Variants in YY1 observed in about 807,000 individuals in gnomAD.
The protein encoded by YY1 is transcriptional repressor protein YY1.
A neutral mutation model predicts 35.6 loss-of-function variants in YY1; 2 were observed. That is an observed-to-expected ratio of 0.06 (90% CI 0.02 to 0.18). The LOEUF is 0.18. YY1 is among the 10% of genes least tolerant of loss of function. YY1 has a pLI of 1.00. For missense variants in YY1, 322 were observed against 573.4 expected (o/e 0.56, Z 4.48); for synonymous variants, 268 against 238.9 (o/e 1.12, Z -1.12).
In YY1 at chr14:100,245,707, C is replaced by T. The variant is rs148598731; in HGVS notation, c.679+5784C>T. On this transcript the variant is annotated intron_variant, in intron 1 of 4. Coordinates refer to ENST00000262238, the MANE Select transcript of YY1 (RefSeq NM_003403.5). ...CTGCAAGCTCCACCTCCCGGGTTCA[C>T]GACATTCTCCTGCCTCAGCCTCCCG... 3.1e-4 allele frequency among the ~76,000 whole-genome samples: 47 copies of T among 151,916 alleles called. 2 individuals carry two copies. Among genetic ancestry groups the T allele is most frequent in the African/African-American group, 5.1e-4 (21 of 41,414 alleles).
At chr14:100,273,348 C>T (rs1891272512) in intron 2 of YY1, among the ~76,000 whole-genome samples, 1 of 152,148 alleles carries the variant, frequency 6.6e-6, no homozygotes, top group African/African-American at 2.4e-5. Flanking sequence ...AATGCAGTGA[C>T]ACAGTCATGG....
At chr14:100,244,161 G>T (rs1448656305) in intron 1 of YY1, among the ~76,000 whole-genome samples, 1 of 151,872 alleles carries the variant, frequency 6.6e-6, no homozygotes, top group Non-Finnish European at 1.5e-5. Flanking sequence ...AACCAAATGG[G>T]TTTCTTTTGC....
At chr14:100,269,124 T>G (rs1891196953) in intron 2 of YY1, among the ~76,000 whole-genome samples, 1 of 152,186 alleles carries the variant, frequency 6.6e-6, no homozygotes, top group Non-Finnish European at 1.5e-5. Flanking sequence ...CCATATAACA[T>G]GTACTGCGTT....
chr14:100,270,949 TAA>T (rs902280734), intron 2 of YY1, among the ~76,000 whole-genome samples: 14 of 145,528 alleles, frequency 9.6e-5, no homozygotes, highest in African/African-American at 3.3e-4. Flanking sequence ...CATTAAAACT[TAA>T]AAAAAAAAAA....
intron 2 of YY1, 125 bp from the exon 3 acceptor site, chr14:100,274,573 T>C (rs376136436): frequency 7.7e-6 from 6 of 781,696 alleles, no homozygotes; most frequent in African/African-American, 3.5e-5. Flanking sequence ...TTCTGCTTCA[T>C]GGAAATGTAT....
In YY1 at chr14:100,239,450, GCCACCA is replaced by G. The variant is rs76675246; in HGVS notation, c.219_224del (p.His79_His80del). 1.1e-4 allele frequency: 170 copies of G among 1,595,218 alleles called. No homozygotes were observed. The East Asian group carries it at 1.3e-3, about 12-fold the overall frequency. On this transcript the variant is annotated inframe_deletion, in exon 1 of 5. Transcript: ENST00000262238. ...GGCGGGGGCGGCCACGGGCACGCCGGCCACCACCACCACCACCATCACCACCACCAC... is the reference window on the plus strand; with the variant it reads ...GGCGGGGGCGGCCACGGGCACGCCGGCCACCACCACCATCACCACCACCAC...
intron 1 of YY1, among the ~76,000 whole-genome samples, chr14:100,250,206 TTAA>T (rs966011379): frequency 4.8e-4 from 73 of 152,344 alleles, no homozygotes; most frequent in African/African-American, 1.7e-3. Context: ...AGACAGGTAC[TTAA>T]TAAAGGATAG....
intron 1 of YY1, 146 bp downstream of exon 1, chr14:100,240,069 CGCG>C (rs966081365): frequency 3.3e-3 from 2,083 of 630,864 alleles, no homozygotes; most frequent in Non-Finnish European, 3.7e-3. Context: ...GCGGCGGGGG[CGCG>C]GCGGCGGCGG....
Position 100,277,902 on chromosome 14 carries a change from A to C in YY1, c.*302A>C, listed in dbSNP as rs1891347855. The C allele has an allele frequency of 2.9e-6, 1 of 348,610 alleles. No individual in the cohort carries two copies. The highest frequency in any genetic ancestry group is 2.1e-5 in the African/African-American group (1 of 47,416). The allele number at this position is 348,610 out of a possible 1,614,324, so 21.6% of individuals were successfully genotyped here. On this transcript the variant is annotated 3_prime_UTR_variant, in exon 5 of 5. Transcript: ENST00000262238. The surrounding 1 kb of genome is among the most constrained non-coding windows in gnomAD (Gnocchi z 5.6). ...TTCGCATCAAAAGACAATTCTTTAT[A>C]CAACAGTGCTAAAAATGGGACTTCT...
intron 1 of YY1, among the ~76,000 whole-genome samples, chr14:100,248,122 T>TTTTTTTC (rs1555369342): frequency 1.1e-4 from 3 of 28,562 alleles, no homozygotes; most frequent in African/African-American, 5.6e-4. Flanking sequence ...TTTTTTTTTC[T>TTTTTTTC]TTTTTTTTTT....
intron 2 of YY1, among the ~76,000 whole-genome samples, chr14:100,264,677 G>C (rs145429760): frequency 1.5e-4 from 23 of 152,294 alleles, no homozygotes; most frequent in Non-Finnish European, 3.1e-4. Flanking sequence ...GCGTTAACTT[G>C]GGAGAAGTCC....
chr14:100,264,607 C>T (rs1025004145), intron 2 of YY1, among the ~76,000 whole-genome samples: 1 of 152,158 alleles, frequency 6.6e-6, no homozygotes, highest in Non-Finnish European at 1.5e-5. Context: ...AGACATTTCT[C>T]ATATGCAGTG....
At position 100,239,679 on chromosome 14, in the gene YY1, C is replaced by T. The variant is rs1395418740; in HGVS notation, c.435C>T (p.Tyr145=). The change falls in exon 1 of 5, where the codon TAC becomes TAT. Residue 145 remains tyrosine, a synonymous_variant. Coordinates refer to ENST00000262238, the MANE Select transcript of YY1 (RefSeq NM_003403.5). ...CGCCGGCCGGCGGCGACGACGACTACATTGAACAAACGCTGGTCACCGTGG... is the reference window on the plus strand; with the variant it reads ...CGCCGGCCGGCGGCGACGACGACTATATTGAACAAACGCTGGTCACCGTGG... The part of the protein sequence containing the change: ...VPAPAGGDDD[Y]IEQTLVTVAA... 1 of 1,607,584 alleles carries T rather than the reference C, an allele frequency of 6.2e-7. No individual in the cohort carries two copies. Among genetic ancestry groups the T allele is most frequent in the Non-Finnish European group, 8.5e-7 (1 of 1,179,354 alleles).
At chr14:100,244,045 T>C (rs1224698578) in intron 1 of YY1, among the ~76,000 whole-genome samples, 1 of 151,506 alleles carries the variant, frequency 6.6e-6, no homozygotes, top group Non-Finnish European at 1.5e-5. Context: ...GAGGCGGAGC[T>C]TGCCGTGAGC....
At chr14:100,269,759 T>G (rs1413128469) in intron 2 of YY1, among the ~76,000 whole-genome samples, 1 of 152,192 alleles carries the variant, frequency 6.6e-6, no homozygotes, top group African/African-American at 2.4e-5. Flanking sequence ...ACTTACTCCT[T>G]AAGTCCAAGG....
intron 1 of YY1, among the ~76,000 whole-genome samples, chr14:100,261,437 C>G (rs1891085347): frequency 6.6e-6 from 1 of 152,034 alleles, no homozygotes; most frequent in Admixed American, 6.5e-5. Context: ...CAATCCACCG[C>G]CTCGGCCTTC....
At position 100,239,267 on chromosome 14, in the gene YY1, A is replaced by G. The variant is rs1458971641; in HGVS notation, c.23A>G (p.Tyr8Cys). The G allele has an allele frequency of 1.9e-6, 3 of 1,578,836 alleles. No individual in the cohort carries two copies. Among genetic ancestry groups the G allele is most frequent in the Admixed American group, 3.6e-5 (2 of 55,856 alleles). ...GCCATGGCCTCGGGCGACACCCTCT[A>G]CATCGCCACGGACGGCTCGGAGATG... is the stretch of plus-strand genomic sequence containing the variant. MASGDTL[Y>C]IATDGSEMPA... Residue 8 changes from tyrosine (Y) to cysteine (C), a missense_variant, in exon 1 of 5, where the codon TAC becomes TGC. Coordinates refer to ENST00000262238, the MANE Select transcript of YY1 (RefSeq NM_003403.5).
At position 100,277,241 on chromosome 14, in the gene YY1, C is replaced by T. The variant is rs886364417; in HGVS notation, c.1063-177C>T. The stretch of plus-strand genomic sequence containing the variant: ...TTCGTGAGGGCTCTCCTTGGGTTTT[C>T]GGGGTTGTCCAACCTGCCTGCTGAT... On this transcript the variant is annotated intron_variant, in intron 4 of 4. Coordinates refer to ENST00000262238, the MANE Select transcript of YY1 (RefSeq NM_003403.5). The surrounding 1 kb of genome is among the most constrained non-coding windows in gnomAD (Gnocchi z 5.6). The T allele has an allele frequency of 1.3e-5, 10 of 771,910 alleles. No homozygotes were observed. The highest frequency in any genetic ancestry group is 3.4e-5 in the African/African-American group (2 of 58,048). The allele number at this position is 771,910 out of a possible 1,614,324, so 47.8% of individuals were successfully genotyped here. A position where few individuals can be genotyped will look rare whatever the true frequency, so the allele number is the denominator to read the frequency against.
chr14:100,265,734 C>T (rs555263697), intron 2 of YY1, among the ~76,000 whole-genome samples: 170 of 147,960 alleles, frequency 1.1e-3, no homozygotes, highest in African/African-American at 4.0e-3. Flanking sequence ...ACTGCAGCCT[C>T]TTCCACCCGG....
Sources: gnomAD v4.1 joint callset for allele counts (sites outside exome capture counted in the v4.1 genomes callset) on GRCh38, gnomAD v4.1.1 for gene constraint, Gnocchi (gnomAD v3.1) non-coding constraint, MANE v1.5 for transcripts, NCBI Gene and HGNC (gene_info 2026-07-23, HGNC 2026-07-21) for gene names.